PCSK6: variants seen among roughly 807,000 people sequenced by gnomAD.
PCSK6 encodes paired basic amino acid cleaving enzyme 4.
In PCSK6, 85 loss-of-function variants were observed where a neutral mutation model predicts 123.3. The ratio of observed to expected loss-of-function variants is 0.69; its 90% confidence interval spans 0.58 to 0.83. The LOEUF is 0.83. Ranked by LOEUF, PCSK6 falls within the 40% of genes least tolerant of loss-of-function variation. The pLI is 0.00. For synonymous variants in PCSK6, 508 were observed against 516.0 expected, an observed-to-expected ratio of 0.98 and a Z score of 0.21; for missense variants, 1,191 against 1,282.3, an observed-to-expected ratio of 0.93 and a Z score of 1.09.
chr15:101,400,150 G>A (rs150568648), intron 6 of PCSK6, among the ~76,000 whole-genome samples: 28 of 152,166 alleles, frequency 1.8e-4, no homozygotes, highest in East Asian at 9.7e-4. Context: ...TCAGCCTCCC[G>A]AGTAGCTAGG....
At chr15:101,430,262 G>A (rs115277321) in intron 4 of PCSK6, among the ~76,000 whole-genome samples, 199 bp from the exon 5 acceptor site, 1,691 of 146,692 alleles carry the variant, frequency 0.012, 35 homozygotes, top group African/African-American at 0.038. Context: ...TCGAGTGTGC[G>A]GCTCAGTGGC....
chr15:101,481,010 C>T (rs1567256981), intron 1 of PCSK6, among the ~76,000 whole-genome samples: 1 of 152,212 alleles, frequency 6.6e-6, no homozygotes, highest in Non-Finnish European at 1.5e-5. Context: ...TTTCTTATCT[C>T]TAAGTGCCCA....
intron 1 of PCSK6, among the ~76,000 whole-genome samples, chr15:101,454,976 G>GAATAAATAAATAAATAAATAAATAAATA (rs1179710613): frequency 7.5e-6 from 1 of 132,608 alleles, no homozygotes; most frequent in African/African-American, 3.8e-5. Context: ...ATGAATGAAT[G>GAATAAATAAATAAATAAATAAATAAATA]AATGAATAAA....
At chr15:101,394,355 C>T (rs560023902) in intron 7 of PCSK6, among the ~76,000 whole-genome samples, 2 of 152,266 alleles carry the variant, frequency 1.3e-5, no homozygotes, top group African/African-American at 2.4e-5. Flanking sequence ...CAGATTCCTG[C>T]AGCTCCGCTC....
At chr15:101,357,635 G>A (rs943370139) in intron 13 of PCSK6, among the ~76,000 whole-genome samples, 24 of 152,218 alleles carry the variant, frequency 1.6e-4, no homozygotes, top group Non-Finnish European at 1.6e-4. Flanking sequence ...GAGAAGCCTC[G>A]GCCAGCGGCC....
intron 1 of PCSK6, among the ~76,000 whole-genome samples, chr15:101,459,524 A>C (rs1401572245): frequency 8.5e-6 from 1 of 117,816 alleles, no homozygotes; most frequent in Admixed American, 9.0e-5. Context: ...CCCCACCCTA[A>C]GTCCACACCA....
At chr15:101,327,574 G>C (rs1029378832) in intron 15 of PCSK6, among the ~76,000 whole-genome samples, 1 of 152,226 alleles carries the variant, frequency 6.6e-6, no homozygotes, top group Non-Finnish European at 1.5e-5. Flanking sequence ...TCCGAGGTGT[G>C]AGTTATGAGA....
intron 13 of PCSK6, among the ~76,000 whole-genome samples, chr15:101,357,706 A>G (rs996427903): frequency 6.6e-6 from 1 of 152,168 alleles, no homozygotes; most frequent in South Asian, 2.1e-4. Flanking sequence ...ATTGCGAACA[A>G]TGCCTACGTT....
In PCSK6 at chr15:101,307,297, C is replaced by T; in HGVS notation, c.2728G>A (p.Gly910Ser). 1 of 1,613,452 alleles carries T rather than the reference C, an allele frequency of 6.2e-7. No individual in the cohort carries two copies. The highest frequency in any genetic ancestry group is 8.5e-7 in the Non-Finnish European group (1 of 1,179,570). ...RCDENCLSCA[G>S]SSRNCSRCKT... is the part of the protein sequence containing the mutation. ...CACCTGCTACAGTTCCTGCTGGAGC[C>T]TGCACAGCTCAAGCAGTTCTCGTCA... The change falls in exon 21 of 22, where the codon GGC (glycine) becomes AGC (serine). Residue 910 changes from glycine to serine, a missense_variant. Physicochemically the swap from Gly to Ser is moderately conservative, Grantham distance 56 (BLOSUM62 0). This residue lies in a region of PCSK6 where 630 missense variants were observed against 631.4 expected (regional missense o/e 1.00). Coordinates refer to ENST00000611716, the MANE Select transcript of PCSK6 (RefSeq NM_002570.5).
In PCSK6 at chr15:101,445,377, C is replaced by T. The variant is rs1035817377; in HGVS notation, c.298-1717G>A. On this transcript the variant is annotated intron_variant, in intron 1 of 21. Transcript: ENST00000611716. Reference sequence around the variant, plus strand: ...CTGAAGGGTTGCTCCGAAATTTGAACGCGATATTTACGTGTGAAAGAGCTA... The same window carrying T: ...CTGAAGGGTTGCTCCGAAATTTGAATGCGATATTTACGTGTGAAAGAGCTA... Among the ~76,000 whole-genome samples the T allele has an allele frequency of 4.6e-5, 7 of 152,154 alleles. No homozygotes were observed. The South Asian group carries it at 6.2e-4, about 14-fold the overall frequency.
intron 1 of PCSK6, among the ~76,000 whole-genome samples, chr15:101,447,313 T>C (rs959397272): frequency 5.3e-5 from 8 of 152,226 alleles, no homozygotes; most frequent in African/African-American, 1.9e-4. Flanking sequence ...ATGTGGCCAC[T>C]GGCCTGGTTG....
chr15:101,469,637 G>A (rs1408758594), intron 1 of PCSK6, among the ~76,000 whole-genome samples: 5 of 152,202 alleles, frequency 3.3e-5, no homozygotes, highest in East Asian at 1.9e-4. Flanking sequence ...GTGTCCACAC[G>A]CTGCTGAATG....
In PCSK6 at chr15:101,375,821, G is replaced by T. The variant is rs182145255; in HGVS notation, c.1533-5298C>A. Among the ~76,000 whole-genome samples, 251 of 152,234 alleles carry T rather than the reference G, an allele frequency of 1.6e-3. 2 individuals carry two copies. The highest frequency in any genetic ancestry group is 4.8e-3 in the Admixed American group (74 of 15,282). On this transcript the variant is annotated intron_variant, in intron 11 of 21. Coordinates refer to ENST00000611716, the MANE Select transcript of PCSK6 (RefSeq NM_002570.5). ...AGGCTGAGGTGGGTGAATCACTTGA[G>T]GTCAGGAGTTCGAGACCAGCCTGGC...
intron 1 of PCSK6, among the ~76,000 whole-genome samples, chr15:101,476,880 G>A (rs1487836864): frequency 6.6e-6 from 1 of 152,218 alleles, no homozygotes; most frequent in East Asian, 1.9e-4. Context: ...GTTACCAAGT[G>A]TGGACCCTCT....
At chr15:101,376,517 A>G (rs2041747795) in intron 11 of PCSK6, among the ~76,000 whole-genome samples, 1 of 152,190 alleles carries the variant, frequency 6.6e-6, no homozygotes, top group Non-Finnish European at 1.5e-5. Context: ...GGCTGGCAAA[A>G]ATGTGACCGG....
intron 13 of PCSK6, among the ~76,000 whole-genome samples, chr15:101,363,085 G>A (rs1476579429): frequency 6.6e-6 from 1 of 152,210 alleles, no homozygotes; most frequent in African/African-American, 2.4e-5. Flanking sequence ...AGAGAAGTGG[G>A]TGGTGGCTGG....
intron 1 of PCSK6, among the ~76,000 whole-genome samples, chr15:101,482,140 G>A (rs2141268220): frequency 6.6e-6 from 1 of 152,396 alleles, no homozygotes; most frequent in South Asian, 2.1e-4. Flanking sequence ...TGTCTGGGAA[G>A]CAGGTACGAG....
At position 101,427,930 on chromosome 15, in the gene PCSK6, T is replaced by C. The variant is rs1383998984; in HGVS notation, c.785A>G (p.Tyr262Cys). 2 of 1,588,290 alleles carry C rather than the reference T, an allele frequency of 1.3e-6. No homozygotes were observed. Among genetic ancestry groups the C allele is most frequent in the African/African-American group, 1.3e-5 (1 of 74,472 alleles). The change falls in exon 6 of 22, where the codon TAC becomes TGC. Residue 262 changes from tyrosine (Y) to cysteine (C), a missense_variant. Physicochemically the swap from Tyr to Cys is radical, Grantham distance 194 (BLOSUM62 -2). Transcript: ENST00000611716. ...ATTGTACGCTATGCCCACGATGCAGTAGGAATTGTTTGCTGAAGCAGCAAC... is the reference window on the plus strand; with the variant it reads ...ATTGTACGCTATGCCCACGATGCAGCAGGAATTGTTTGCTGAAGCAGCAAC... ...GEVAASANNS[Y>C]CIVGIAYNAK... is the part of the protein sequence containing the mutation.
intron 1 of PCSK6, among the ~76,000 whole-genome samples, chr15:101,452,212 T>A (rs1284480482): frequency 1.3e-5 from 2 of 152,238 alleles, no homozygotes; most frequent in African/African-American, 2.4e-5. Flanking sequence ...GCAAACTTCA[T>A]TTTTCTCTTC....
Sources: allele counts gnomAD v4.1 joint callset (sites outside exome capture counted in the v4.1 genomes callset), GRCh38; gene constraint gnomAD v4.1.1; regional missense constraint gnomAD v4.1.1; transcripts MANE v1.5; gene names NCBI Gene and HGNC (gene_info 2026-07-23, HGNC 2026-07-21).